Variants in GLCCI1 observed in about 807,000 individuals in gnomAD.
The protein encoded by GLCCI1 is glucocorticoid-induced transcript 1 protein.
GLCCI1 carries 24 observed loss-of-function variants against 52.2 expected under a neutral mutation model. The observed-to-expected ratio is 0.46, with a 90% CI of 0.33 to 0.65. GLCCI1 has a LOEUF of 0.65. Among genes scored for constraint, GLCCI1 ranks in the 30% least tolerant of loss-of-function variants. GLCCI1 has a pLI of 0.02. For synonymous variants in GLCCI1, 310 were observed against 276.5 expected, an observed-to-expected ratio of 1.12 and a Z score of -1.20; for missense variants, 704 against 701.5, an observed-to-expected ratio of 1.00 and a Z score of -0.04.
intron 3 of GLCCI1, among the ~76,000 whole-genome samples, chr7:8,040,900 A>G (rs1414962170): frequency 6.6e-6 from 1 of 152,166 alleles, no homozygotes; most frequent in Non-Finnish European, 1.5e-5. Context: ...AGACACAATA[A>G]TAGTGAAATA....
At position 7,995,684 on chromosome 7, in the gene GLCCI1, A is replaced by G. The variant is rs1214635338; in HGVS notation, c.458-8224A>G. Among the ~76,000 whole-genome samples the G allele has an allele frequency of 2.0e-5, 3 of 152,174 alleles. No individual in the cohort carries two copies. The East Asian group carries it at 5.8e-4, about 29-fold the overall frequency. The stretch of plus-strand genomic sequence containing the variant: ...CCAAACACCGCATGTTCTCACTCAT[A>G]GGTGGGAATTGAACAGTGAGAACAC... On this transcript the variant is annotated intron_variant, in intron 1 of 7. Coordinates refer to ENST00000223145, the MANE Select transcript of GLCCI1 (RefSeq NM_138426.4).
At chr7:8,042,885 G>A (rs973790792) in intron 3 of GLCCI1, among the ~76,000 whole-genome samples, 3 of 152,146 alleles carry the variant, frequency 2.0e-5, no homozygotes, top group Admixed American at 6.5e-5. Flanking sequence ...GAAGTCCTGC[G>A]AGTAAAATGC....
At chr7:7,992,427 A>G (rs1780860547) in intron 1 of GLCCI1, among the ~76,000 whole-genome samples, 1 of 151,982 alleles carries the variant, frequency 6.6e-6, no homozygotes, top group East Asian at 1.9e-4. Context: ...ATAGATTTTC[A>G]GGAAAGACTC....
intron 3 of GLCCI1, among the ~76,000 whole-genome samples, chr7:8,045,775 G>T (rs10273241): frequency 6.6e-6 from 1 of 151,856 alleles, no homozygotes; most frequent in South Asian, 2.1e-4. Flanking sequence ...CTACTCTGGA[G>T]CTGTGTAACT....
intron 2 of GLCCI1, among the ~76,000 whole-genome samples, chr7:8,004,466 T>C (rs1214778997): frequency 4.6e-5 from 7 of 152,326 alleles, no homozygotes; most frequent in African/African-American, 1.7e-4. Context: ...TTTTTTTCTG[T>C]TTAAAACCAA....
At chr7:8,046,352 A>G (rs909883822) in intron 3 of GLCCI1, among the ~76,000 whole-genome samples, 1 of 152,202 alleles carries the variant, frequency 6.6e-6, no homozygotes, top group African/African-American at 2.4e-5. Flanking sequence ...AACCTGAAAG[A>G]CTGGTTCAGG....
intron 5 of GLCCI1, among the ~76,000 whole-genome samples, chr7:8,061,495 T>A (rs946814108): frequency 6.6e-6 from 1 of 152,142 alleles, no homozygotes; most frequent in South Asian, 2.1e-4. Context: ...GTCATAGCAT[T>A]TGTACATTTA....
Position 8,086,317 on chromosome 7 carries a change from C to G in GLCCI1, c.1423C>G (p.Leu475Val). ...AGGCCCCCTCTTACCTGCTTCTGAC[C>G]TTATGCTCAAGAACTCCCCTAACTC... The part of the protein sequence containing the change: ...LLGPLLPASD[L>V]MLKNSPNSGQ... The change falls in exon 8 of 8, where the codon CTT becomes GTT. Residue 475 changes from leucine to valine, a missense_variant. Coordinates refer to ENST00000223145, the MANE Select transcript of GLCCI1 (RefSeq NM_138426.4). The surrounding 1 kb of genome is among the most constrained non-coding windows in gnomAD (Gnocchi z 4.4). 1 of 1,614,036 alleles carries G rather than the reference C, an allele frequency of 6.2e-7. No individual in the cohort carries two copies. The highest frequency in any genetic ancestry group is 8.5e-7 in the Non-Finnish European group (1 of 1,179,940).
At chr7:7,970,701 A>G (rs1009555092) in intron 1 of GLCCI1, among the ~76,000 whole-genome samples, 2 of 152,124 alleles carry the variant, frequency 1.3e-5, no homozygotes, top group Non-Finnish European at 2.9e-5. Context: ...GTTTATGTCT[A>G]GGGACACAGT....
chr7:7,994,466 G>A (rs1284380845), intron 1 of GLCCI1, among the ~76,000 whole-genome samples: 2 of 152,186 alleles, frequency 1.3e-5, no homozygotes, highest in Admixed American at 1.3e-4. Flanking sequence ...CAAGGTACTA[G>A]CATTTGGTGA....
At chr7:8,030,634 C>T (rs984915230) in intron 3 of GLCCI1, among the ~76,000 whole-genome samples, 2 of 152,006 alleles carry the variant, frequency 1.3e-5, no homozygotes, top group African/African-American at 2.4e-5. Flanking sequence ...AAACTACCCA[C>T]CTAACAAGGG....
chr7:8,058,512 A>T (rs1782449700), intron 4 of GLCCI1, among the ~76,000 whole-genome samples: 1 of 152,190 alleles, frequency 6.6e-6, no homozygotes, highest in South Asian at 2.1e-4. Context: ...ATTAAGTGGC[A>T]CTCTGCCTAG....
chr7:8,076,331 C>T (rs751554775), intron 6 of GLCCI1, among the ~76,000 whole-genome samples: 7 of 152,052 alleles, frequency 4.6e-5, no homozygotes, highest in South Asian at 2.1e-4. Flanking sequence ...GGTTCTAGGG[C>T]GCTTATTATC....
chr7:8,013,373 A>G (rs916525161), intron 2 of GLCCI1, among the ~76,000 whole-genome samples: 2 of 152,090 alleles, frequency 1.3e-5, no homozygotes, highest in East Asian at 1.9e-4. Flanking sequence ...AGATATTGTT[A>G]TATCATAAAT....
intron 4 of GLCCI1, among the ~76,000 whole-genome samples, chr7:8,056,441 A>T (rs1253097531): frequency 6.6e-6 from 1 of 152,170 alleles, no homozygotes; most frequent in Non-Finnish European, 1.5e-5. Context: ...CAGTTCCTTT[A>T]CCCATCTTTC....
intron 3 of GLCCI1, among the ~76,000 whole-genome samples, chr7:8,032,792 G>A (rs1317340910): frequency 4.0e-5 from 6 of 151,662 alleles, no homozygotes; most frequent in Non-Finnish European, 3.0e-5. Flanking sequence ...AGACTATCCC[G>A]GGGTCACATT....
intron 2 of GLCCI1, among the ~76,000 whole-genome samples, chr7:8,020,698 T>C (rs1046580320): frequency 6.6e-6 from 1 of 152,230 alleles, no homozygotes; most frequent in Non-Finnish European, 1.5e-5. Flanking sequence ...AAAATTTGAC[T>C]CATTTTCTGT....
At chr7:8,036,204 A>G (rs941650438) in intron 3 of GLCCI1, among the ~76,000 whole-genome samples, 1 of 152,156 alleles carries the variant, frequency 6.6e-6, no homozygotes, top group African/African-American at 2.4e-5. Context: ...GACCTCCACC[A>G]TCCTGGCCCA....
At chr7:8,046,566 G>A (rs964437323) in intron 3 of GLCCI1, among the ~76,000 whole-genome samples, 1 of 152,206 alleles carries the variant, frequency 6.6e-6, no homozygotes, top group African/African-American at 2.4e-5. Flanking sequence ...TCGGAATTCA[G>A]ACATTCCTTT....
Sources: gnomAD v4.1 joint callset for allele counts (sites outside exome capture counted in the v4.1 genomes callset) on GRCh38, gnomAD v4.1.1 for gene constraint, Gnocchi (gnomAD v3.1) non-coding constraint, MANE v1.5 for transcripts, NCBI Gene and HGNC (gene_info 2026-07-23, HGNC 2026-07-21) for gene names.